The following CEP63 variants were observed in gnomAD, a reference collection of about 807,000 sequenced individuals.
The protein encoded by CEP63 is centrosomal protein of 63 kDa.
A neutral mutation model predicts 89.1 loss-of-function variants in CEP63; 84 were observed. That is an observed-to-expected ratio of 0.94 (90% confidence interval 0.79 to 1.13). The LOEUF (loss-of-function observed/expected upper bound fraction) is 1.13, where lower values mean the gene tolerates loss of function less well. Among genes scored for constraint, CEP63 ranks in the 50% most tolerant of loss-of-function variants. The pLI is 0.00. For synonymous variants in CEP63, 267 were observed against 272.5 expected (o/e 0.98, Z 0.20); for missense variants, 838 against 813.3 (o/e 1.03, Z -0.37).
the CEP63 span, among the ~76,000 whole-genome samples, chr3:134,597,496 C>T: frequency 6.6e-6 from 1 of 152,180 alleles, no homozygotes; most frequent in African/African-American, 2.4e-5. Context: ...GGTCTCCCTT[C>T]TGGAAGAAGT....
downstream of CEP63, among the ~76,000 whole-genome samples, chr3:134,566,441 A>G (rs1263430225): frequency 6.6e-6 from 1 of 152,208 alleles, no homozygotes; most frequent in Non-Finnish European, 1.5e-5. Flanking sequence ...AAAAGAGATT[A>G]AAAACCATAG....
the CEP63 span, among the ~76,000 whole-genome samples, chr3:134,673,089 T>C: frequency 1.3e-5 from 2 of 152,324 alleles, no homozygotes; most frequent in African/African-American, 4.8e-5. Flanking sequence ...CTGAATGAGG[T>C]GGATCACATT....
Position 134,562,252 on chromosome 3 carries a change from G to C in CEP63, c.*717G>C. 2.0e-6 allele frequency: 2 copies of C among 979,546 alleles called. No homozygotes were observed. Among genetic ancestry groups the C allele is most frequent in the Non-Finnish European group, 2.4e-6 (2 of 824,292 alleles). The allele number at this position is 979,546 out of a possible 1,614,324, so 60.7% of individuals were successfully genotyped here. On this transcript the variant is annotated 3_prime_UTR_variant, in exon 15 of 15. Transcript: ENST00000675561. ...GATGGGAGACAAAGATCTGGATGTT[G>C]ATGTGCCGCAGGCATTTGAAACGAT... is the stretch of plus-strand genomic sequence containing the variant.
At chr3:134,552,646 T>C (rs1272450558) in intron 12 of CEP63, 1 of 150,970 alleles carries the variant, frequency 6.6e-6, no homozygotes, top group African/African-American at 2.4e-5. Flanking sequence ...TAGATGGTGG[T>C]ATTATTATTA....
intron 11 of CEP63, among the ~76,000 whole-genome samples, chr3:134,550,737 A>G (rs916502338): frequency 6.6e-6 from 1 of 152,174 alleles, no homozygotes; most frequent in Non-Finnish European, 1.5e-5. Context: ...TAGCCACGTA[A>G]AGGAGTTATA....
chr3:134,597,454 G>C, the CEP63 span, among the ~76,000 whole-genome samples: 1 of 152,136 alleles, frequency 6.6e-6, no homozygotes, highest in Non-Finnish European at 1.5e-5. Context: ...ACCCTCCATA[G>C]CATAGGCAAG....
chr3:134,719,125 A>G, the CEP63 span, among the ~76,000 whole-genome samples: 1 of 151,982 alleles, frequency 6.6e-6, no homozygotes, highest in African/African-American at 2.4e-5. Flanking sequence ...TGGTACAAGG[A>G]CTTGTTTTCA....
At chr3:134,776,897 G>T in the CEP63 span, among the ~76,000 whole-genome samples, 6 of 152,212 alleles carry the variant, frequency 3.9e-5, no homozygotes, top group Non-Finnish European at 8.8e-5. Flanking sequence ...AGCAGGGGTT[G>T]GGAGAGATGG....
chr3:134,498,460 A>C (rs1458673876), intron 2 of CEP63, among the ~76,000 whole-genome samples: 2 of 151,942 alleles, frequency 1.3e-5, no homozygotes, highest in African/African-American at 4.8e-5. Flanking sequence ...TTTTTGGTGG[A>C]GTCTTTAGGT....
chr3:134,735,901 C>T, the CEP63 span, among the ~76,000 whole-genome samples: 1 of 151,976 alleles, frequency 6.6e-6, no homozygotes, highest in East Asian at 1.9e-4. Context: ...GGGACTAATC[C>T]CCCAACTCAT....
the CEP63 span, among the ~76,000 whole-genome samples, chr3:134,717,600 G>T: frequency 6.6e-6 from 1 of 152,176 alleles, no homozygotes; most frequent in Non-Finnish European, 1.5e-5. Context: ...GTAACATAGT[G>T]TGTGTACATT....
upstream of CEP63, chr3:134,485,957 C>A: frequency 2.0e-6 from 2 of 982,462 alleles, no homozygotes; most frequent in South Asian, 4.7e-5. Context: ...CTTACCGGCA[C>A]CCGGCCACCG....
the CEP63 span, among the ~76,000 whole-genome samples, chr3:134,698,408 G>T: frequency 2.6e-5 from 4 of 152,220 alleles, no homozygotes; most frequent in African/African-American, 9.6e-5. Context: ...TCTGAGTGAA[G>T]GGGGGCGGGA....
the CEP63 span, chr3:134,641,290 C>T: frequency 6.6e-6 from 1 of 152,138 alleles, no homozygotes; most frequent in South Asian, 2.1e-4. Context: ...GTGAATGTTA[C>T]CTAATATGGT....
At chr3:134,650,406 C>G in the CEP63 span, among the ~76,000 whole-genome samples, 3 of 152,168 alleles carry the variant, frequency 2.0e-5, no homozygotes, top group Admixed American at 6.5e-5. Context: ...CTGACTCAGC[C>G]CAAAGGTTTC....
At chr3:134,734,894 A>G in the CEP63 span, among the ~76,000 whole-genome samples, 1 of 152,162 alleles carries the variant, frequency 6.6e-6, no homozygotes, top group South Asian at 2.1e-4. Flanking sequence ...AGCTGGTCTC[A>G]TCAACATTGA....
downstream of CEP63, among the ~76,000 whole-genome samples, chr3:134,567,575 A>G (rs1017581179): frequency 2.0e-5 from 3 of 151,750 alleles, no homozygotes; most frequent in African/African-American, 4.8e-5. Context: ...AAAGTTTTCT[A>G]TTTTCAACTC....
chr3:134,527,462 C>T (rs1474567241), intron 3 of CEP63, among the ~76,000 whole-genome samples: 3 of 152,148 alleles, frequency 2.0e-5, no homozygotes, highest in Non-Finnish European at 4.4e-5. Context: ...CACCAAGGTT[C>T]TGTCTGCAGT....
At chr3:134,685,064 C>G in the CEP63 span, among the ~76,000 whole-genome samples, 2 of 152,064 alleles carry the variant, frequency 1.3e-5, no homozygotes, top group African/African-American at 4.8e-5. Flanking sequence ...TTCATATGTT[C>G]TAACATAAAT....
Sources: gnomAD v4.1 joint callset for allele counts (sites outside exome capture counted in the v4.1 genomes callset) on GRCh38, gnomAD v4.1.1 for gene constraint, MANE v1.5 for transcripts, NCBI Gene and HGNC (gene_info 2026-07-23, HGNC 2026-07-21) for gene names.